The following SLC2A9 variants were observed in gnomAD, a reference collection of about 807,000 sequenced individuals.
SLC2A9 encodes solute carrier family 2 member 9.
SLC2A9 carries 39 observed loss-of-function variants against 50.6 expected under a neutral mutation model. The observed-to-expected ratio is 0.77, with a 90% confidence interval of 0.60 to 1.01. The LOEUF is 1.01. SLC2A9 is among the 50% of genes least tolerant of loss of function. The pLI is 0.00. For synonymous variants in SLC2A9, 324 were observed against 276.9 expected, an observed-to-expected ratio of 1.17 and a Z score of -1.69; for missense variants, 686 against 677.6, an observed-to-expected ratio of 1.01 and a Z score of -0.14.
At chr4:9,906,315 C>A (rs866757988) in intron 8 of SLC2A9, among the ~76,000 whole-genome samples, 4 of 152,280 alleles carry the variant, frequency 2.6e-5, no homozygotes, top group Middle Eastern at 3.4e-3. Context: ...AACAACCTCA[C>A]CCGCAGACAA....
intron 3 of SLC2A9, among the ~76,000 whole-genome samples, chr4:9,819,794 T>C (rs6449011): frequency 0.16 from 24,041 of 152,148 alleles, 2,554 homozygotes; most frequent in African/African-American, 0.3. Context: ...ATCAGCTGGG[T>C]GCAGTGATGC....
At position 9,946,903 on chromosome 4, in the gene SLC2A9, T is replaced by C. The variant is rs115662655; in HGVS notation, c.682-4858A>G. 6.1e-3 allele frequency among the ~76,000 whole-genome samples: 923 copies of C among 152,322 alleles called. 6 individuals are homozygous for C. The highest frequency in any genetic ancestry group is 7.8e-3 in the Non-Finnish European group (528 of 68,028). Reference sequence around the variant, plus strand: ...TAGAATCACAATTTCAATTTAGACATCAGAATTGCCAGTATAAAATAATAA... The same window carrying C: ...TAGAATCACAATTTCAATTTAGACACCAGAATTGCCAGTATAAAATAATAA... On this transcript the variant is annotated intron_variant, in intron 5 of 11. Transcript: ENST00000264784.
intron 5 of SLC2A9, among the ~76,000 whole-genome samples, chr4:9,972,563 T>C (rs1754087738): frequency 2.0e-5 from 3 of 151,776 alleles, no homozygotes; most frequent in African/African-American, 7.3e-5. Flanking sequence ...CAAGTCTCAG[T>C]AGATTCAAAA....
rs746833680 is a variant in SLC2A9, at chr4:9,920,418, G to A, written c.969C>T (p.Thr323=). Reference sequence around the variant, plus strand: ...GGCCACAGAGCTGGTAGCAGGCCATGGTGACAATCACGGTGACCACCTGCC... The same window carrying A: ...GGCCACAGAGCTGGTAGCAGGCCATAGTGACAATCACGGTGACCACCTGCC... ...VRWQVVTVIV[T]MACYQLCGLN... Residue 323 remains threonine (T), a synonymous_variant, in exon 7 of 12, where the codon ACC becomes ACT. Transcript: ENST00000264784. 8 of 1,614,160 alleles carry A rather than the reference G, an allele frequency of 5.0e-6. No individual in the cohort carries two copies. The highest frequency in any genetic ancestry group is 6.8e-6 in the Non-Finnish European group (8 of 1,180,024).
chr4:9,815,452 A>G (rs1450663694), intron 3 of SLC2A9, among the ~76,000 whole-genome samples: 1 of 152,226 alleles, frequency 6.6e-6, no homozygotes, highest in Non-Finnish European at 1.5e-5. Flanking sequence ...TGACGGTCAC[A>G]AGCACAGGGC....
chr4:9,917,223 A>G (rs1327174957), intron 7 of SLC2A9, among the ~76,000 whole-genome samples: 1 of 151,306 alleles, frequency 6.6e-6, no homozygotes, highest in Admixed American at 6.6e-5. Flanking sequence ...TTGAAAGCCT[A>G]TTGTGTAAGG....
At chr4:9,930,567 G>C (rs575144891) in intron 6 of SLC2A9, among the ~76,000 whole-genome samples, 104 of 152,372 alleles carry the variant, frequency 6.8e-4, no homozygotes, top group Non-Finnish European at 1.1e-3. Flanking sequence ...CTTCATGGAA[G>C]AGGTTGGTTT....
chr4:9,806,635 G>T (rs1722152764), intron 3 of SLC2A9, among the ~76,000 whole-genome samples: 1 of 152,166 alleles, frequency 6.6e-6, no homozygotes, highest in South Asian at 2.1e-4. Context: ...GAGGGCACTG[G>T]AGAAGGAGCC....
chr4:10,025,828 C>G, upstream of SLC2A9: 1 of 1,434,978 alleles, frequency 7.0e-7, no homozygotes, highest in Non-Finnish European at 9.8e-7. Context: ...CTCCCACTGA[C>G]CCAGGGGAAA....
chr4:9,839,802 A>T (rs1227952438), intron 10 of SLC2A9, among the ~76,000 whole-genome samples: 1 of 152,134 alleles, frequency 6.6e-6, no homozygotes, highest in Non-Finnish European at 1.5e-5. Context: ...CATAGAGCGG[A>T]ACAACACACA....
At chr4:9,773,414 A>T (rs1172639892) in intron 1 of SLC2A9, among the ~76,000 whole-genome samples, 1 of 152,222 alleles carries the variant, frequency 6.6e-6, no homozygotes, top group Non-Finnish European at 1.5e-5. Flanking sequence ...TGGGTGCAGC[A>T]AAACCCCACC....
chr4:9,921,360 G>A (rs1301508179), intron 6 of SLC2A9, among the ~76,000 whole-genome samples: 4 of 152,054 alleles, frequency 2.6e-5, no homozygotes, highest in South Asian at 2.1e-4. Flanking sequence ...GCTTGAAGGC[G>A]GGCTGACTGA....
At chr4:9,951,976 G>T (rs571144468) in intron 5 of SLC2A9, among the ~76,000 whole-genome samples, 2 of 152,352 alleles carry the variant, frequency 1.3e-5, no homozygotes, top group Admixed American at 6.5e-5. Flanking sequence ...CATGTGCCAC[G>T]GCTCAGCTCA....
chr4:9,892,742 G>A (rs1456436764), intron 8 of SLC2A9, among the ~76,000 whole-genome samples: 4 of 152,168 alleles, frequency 2.6e-5, no homozygotes, highest in Admixed American at 2.6e-4. Flanking sequence ...TTTAACTAAG[G>A]AGTGCCCTGG....
intron 3 of SLC2A9, among the ~76,000 whole-genome samples, chr4:9,788,250 G>C (rs1719472184): frequency 1.3e-5 from 2 of 152,056 alleles, no homozygotes; most frequent in South Asian, 2.1e-4. Flanking sequence ...GGGAGCAGTG[G>C]CATGATCACA....
At chr4:9,783,442 C>T in intron 3 of SLC2A9, 4 of 1,610,680 alleles carry the variant, frequency 2.5e-6, no homozygotes, top group East Asian at 2.2e-5. Flanking sequence ...TAACACCTTT[C>T]ACCCCGAATG....
intron 5 of SLC2A9, among the ~76,000 whole-genome samples, chr4:9,968,409 T>G (rs1753369531): frequency 6.6e-6 from 1 of 152,194 alleles, no homozygotes; most frequent in African/African-American, 2.4e-5. Flanking sequence ...TTCAACTTCT[T>G]TGTTAGCTCC....
At chr4:9,979,574 C>G (rs150490324) in intron 5 of SLC2A9, among the ~76,000 whole-genome samples, 216 of 152,226 alleles carry the variant, frequency 1.4e-3, no homozygotes, top group African/African-American at 4.7e-3. Flanking sequence ...TCTACCACCT[C>G]AGTCGCAGCT....
intron 7 of SLC2A9, among the ~76,000 whole-genome samples, chr4:9,912,679 CAA>C (rs1742068719): frequency 6.6e-6 from 1 of 152,162 alleles, no homozygotes; most frequent in Non-Finnish European, 1.5e-5. Context: ...GTGATACTGA[CAA>C]AGAGTATGGG....
Sources: gnomAD v4.1 joint callset for allele counts (sites outside exome capture counted in the v4.1 genomes callset) on GRCh38, gnomAD v4.1.1 for gene constraint, MANE v1.5 for transcripts, NCBI Gene and HGNC (gene_info 2026-07-23, HGNC 2026-07-21) for gene names.